The following CADPS variants were observed in gnomAD, a reference collection of about 807,000 sequenced individuals.
CADPS encodes calcium-dependent secretion activator 1.
A neutral mutation model predicts 167.3 loss-of-function variants in CADPS; 57 were observed. The observed-to-expected ratio is 0.34, with a 90% CI of 0.28 to 0.42. The LOEUF (loss-of-function observed/expected upper bound fraction) is 0.42, where lower values mean the gene tolerates loss of function less well. Ranked by LOEUF, CADPS falls within the 20% of genes least tolerant of loss-of-function variation. CADPS has a pLI of 1.00. For missense variants in CADPS, 1,414 were observed against 1,738.1 expected, an observed-to-expected ratio of 0.81 and a Z score of 3.32; for synonymous variants, 676 against 635.3, an observed-to-expected ratio of 1.06 and a Z score of -0.96.
chr3:62,428,863 G>T (rs1384924743), intron 28 of CADPS, among the ~76,000 whole-genome samples: 1 of 152,192 alleles, frequency 6.6e-6, no homozygotes, highest in Non-Finnish European at 1.5e-5. Flanking sequence ...GCTGCTACTG[G>T]TGTCTAGAGT....
chr3:62,436,408 G>C (rs1349701237), intron 28 of CADPS, among the ~76,000 whole-genome samples: 4 of 152,134 alleles, frequency 2.6e-5, no homozygotes, highest in Admixed American at 2.0e-4. Context: ...GCATTGAAAA[G>C]GACAACCCAC....
chr3:62,817,690 C>T (rs145040565), intron 1 of CADPS, among the ~76,000 whole-genome samples: 5 of 152,188 alleles, frequency 3.3e-5, no homozygotes, highest in African/African-American at 9.6e-5. Context: ...GTAGCTTATT[C>T]GGTGTACTGT....
chr3:62,691,848 G>A (rs934227379), intron 3 of CADPS, among the ~76,000 whole-genome samples: 14 of 151,946 alleles, frequency 9.2e-5, no homozygotes, highest in Non-Finnish European at 1.8e-4. Flanking sequence ...CTTGGTGATG[G>A]GTTGATGTGC....
chr3:62,627,122 C>CT (rs2064233649), intron 6 of CADPS, among the ~76,000 whole-genome samples: 1 of 123,072 alleles, frequency 8.1e-6, no homozygotes, highest in Non-Finnish European at 1.7e-5. Context: ...TTACATTTTA[C>CT]TTTCCAGTTG....
At chr3:62,667,019 C>T (rs1028308541) in intron 3 of CADPS, among the ~76,000 whole-genome samples, 5 of 147,172 alleles carry the variant, frequency 3.4e-5, no homozygotes, top group African/African-American at 5.0e-5. Context: ...GAAGTCAGAC[C>T]GACTTGGTTC....
chr3:62,501,242 AAG>A (rs2065722292), intron 17 of CADPS, among the ~76,000 whole-genome samples: 2 of 152,222 alleles, frequency 1.3e-5, no homozygotes, highest in Admixed American at 1.3e-4. Flanking sequence ...TATTTAGAGA[AAG>A]AGTGTATGAC....
intron 3 of CADPS, among the ~76,000 whole-genome samples, chr3:62,716,604 C>G (rs2084681946): frequency 6.6e-6 from 1 of 151,108 alleles, no homozygotes; most frequent in Non-Finnish European, 1.5e-5. Context: ...GATGACTTTA[C>G]TGTCTATATC....
intron 9 of CADPS, among the ~76,000 whole-genome samples, chr3:62,565,175 C>G (rs1450605375): frequency 6.6e-6 from 1 of 152,052 alleles, no homozygotes; most frequent in Non-Finnish European, 1.5e-5. Context: ...AGAATGAGGC[C>G]CCAGTAATTT....
chr3:62,712,119 TTTAA>T lies in CADPS; in HGVS notation c.888+41318_888+41321del, dbSNP rs545222004. 4.8e-4 allele frequency among the ~76,000 whole-genome samples: 73 copies of T among 152,332 alleles called. 1 individual carries two copies. The South Asian group carries it at 0.015, about 32-fold the overall frequency. ...TTTTAAACAACTTAATTGATGGCAT[TTTAA>T]TTGTTTTAAATTTTTTTGCTATTAA... On this transcript the variant is annotated intron_variant, in intron 3 of 29. Coordinates refer to ENST00000383710, the MANE Select transcript of CADPS (RefSeq NM_003716.4).
chr3:62,470,516 T>G (rs547405212), intron 24 of CADPS: 6 of 152,364 alleles, frequency 3.9e-5, no homozygotes, highest in African/African-American at 1.4e-4. Context: ...AGGAAACATT[T>G]CCATATGACT....
Position 62,874,466 on chromosome 3 carries a change from C to T in CADPS, c.441+123G>A, listed in dbSNP as rs1392128274. 5.4e-6 allele frequency: 4 copies of T among 737,328 alleles called. No homozygotes were observed. In the East Asian group the frequency reaches 8.6e-5, roughly 16 times the overall value. The allele number at this position is 737,328 out of a possible 1,614,324, so 45.7% of individuals were successfully genotyped here. A position where few individuals can be genotyped will look rare whatever the true frequency, so the allele number is the denominator to read the frequency against. On this transcript the variant is annotated intron_variant, in intron 1 of 29. Coordinates refer to ENST00000383710, the MANE Select transcript of CADPS (RefSeq NM_003716.4). This position sits in a 1 kb window ranked among gnomAD's most constrained non-coding sequence, Gnocchi z 7.1. ...TGGGAGGGGGCCTCGTAGCCCTTTCCCCAGGGCGCGGTCTCCACCTCTCCT... is the reference window on the plus strand; with the variant it reads ...TGGGAGGGGGCCTCGTAGCCCTTTCTCCAGGGCGCGGTCTCCACCTCTCCT...
intron 1 of CADPS, among the ~76,000 whole-genome samples, chr3:62,827,759 AT>A (rs903190405): frequency 1.2e-4 from 18 of 151,944 alleles, no homozygotes; most frequent in South Asian, 2.1e-4. Context: ...ATTAAGCCAT[AT>A]TTTTTTTAAA....
At chr3:62,513,304 C>T (rs145320123) in intron 16 of CADPS, among the ~76,000 whole-genome samples, 144 of 152,188 alleles carry the variant, frequency 9.5e-4, no homozygotes, top group African/African-American at 3.2e-3. Context: ...CTAGCTGCTA[C>T]CTTTTGATTG....
chr3:62,650,839 C>CT lies in CADPS; in HGVS notation c.1203+7dup. The CT allele has an allele frequency of 6.2e-7, 1 of 1,610,430 alleles. No homozygotes were observed. The highest frequency in any genetic ancestry group is 8.5e-7 in the Non-Finnish European group (1 of 1,176,866). On this transcript the variant is annotated splice_region_variant and intron_variant, in intron 5 of 29. Coordinates refer to ENST00000383710, the MANE Select transcript of CADPS (RefSeq NM_003716.4). The stretch of plus-strand genomic sequence containing the variant: ...CCAAGAAACTTTCAAGGGCTCAGGG[C>CT]TTTTTACCTCCAATGAGAAAGACAG...
chr3:62,835,270 G>A (rs1438124208), intron 1 of CADPS, among the ~76,000 whole-genome samples: 1 of 152,086 alleles, frequency 6.6e-6, no homozygotes. Flanking sequence ...GATATTGCAG[G>A]CTACCTTGCA....
intron 1 of CADPS, among the ~76,000 whole-genome samples, chr3:62,777,745 C>T (rs2090656103): frequency 6.6e-6 from 1 of 152,168 alleles, no homozygotes; most frequent in Admixed American, 6.5e-5. Context: ...GAGACACACA[C>T]ATGTGCACAT....
At chr3:62,533,158 C>G in intron 12 of CADPS, 100 bp from the exon 13 acceptor site, 1 of 960,086 alleles carries the variant, frequency 1.0e-6, no homozygotes, top group Non-Finnish European at 1.6e-6. Context: ...TGAAAAATAG[C>G]CAGAGCTAAC....
chr3:62,566,782 G>T (rs535765724), intron 9 of CADPS, among the ~76,000 whole-genome samples: 18 of 152,192 alleles, frequency 1.2e-4, no homozygotes, highest in Admixed American at 1.2e-3. Flanking sequence ...GGTTGTTAAG[G>T]GAGAAATCTG....
At chr3:62,846,507 C>T (rs2077456587) in intron 1 of CADPS, among the ~76,000 whole-genome samples, 1 of 152,128 alleles carries the variant, frequency 6.6e-6, no homozygotes, top group African/African-American at 2.4e-5. Flanking sequence ...AGAAACTTCT[C>T]CTTATCTGGT....
Sources: gnomAD v4.1 joint callset for allele counts (sites outside exome capture counted in the v4.1 genomes callset) on GRCh38, gnomAD v4.1.1 for gene constraint, Gnocchi (gnomAD v3.1) non-coding constraint, MANE v1.5 for transcripts, NCBI Gene and HGNC (gene_info 2026-07-23, HGNC 2026-07-21) for gene names.